Variants in WDR59 observed in about 807,000 individuals in gnomAD.
WDR59 encodes the protein GATOR2 complex protein WDR59.
A neutral mutation model predicts 131.2 loss-of-function variants in WDR59; 100 were observed. The observed-to-expected ratio is 0.76, with a 90% CI of 0.65 to 0.90. The LOEUF (loss-of-function observed/expected upper bound fraction) is 0.90, where lower values mean the gene tolerates loss of function less well. Among genes scored for constraint, WDR59 ranks in the 40% least tolerant of loss-of-function variants. The pLI, the probability that WDR59 is intolerant of heterozygous loss-of-function variation, is 0.00. For missense variants in WDR59, 1,203 were observed against 1,262.2 expected (o/e 0.95, Z 0.71); for synonymous variants, 601 against 466.2 (o/e 1.29, Z -3.72).
Position 74,909,486 on chromosome 16 carries a change from A to T in WDR59, c.1642+15T>A, listed in dbSNP as rs767902290. 3 of 1,533,858 alleles carry T rather than the reference A, an allele frequency of 2.0e-6. No homozygotes were observed. In the South Asian group the frequency reaches 3.8e-5, roughly 19 times the overall value. ...CCCTCTCGAAATCTAGAATCAAAGA[A>T]CCAAAGAGACCCACCTGCTCCGCAG... is the stretch of plus-strand genomic sequence containing the variant. On this transcript the variant is annotated intron_variant, in intron 16 of 25. Coordinates refer to ENST00000262144, the MANE Select transcript of WDR59 (RefSeq NM_030581.4).
chr16:74,945,455 C>G (rs549807409), intron 6 of WDR59, among the ~76,000 whole-genome samples: 1 of 151,262 alleles, frequency 6.6e-6, no homozygotes, highest in Non-Finnish European at 1.5e-5. Flanking sequence ...CCAGCCTGGG[C>G]AACAGAGCGA....
In WDR59 at chr16:74,908,890, T is replaced by C. The variant is rs1338605529; in HGVS notation, c.1712+18A>G. On this transcript the variant is annotated intron_variant, in intron 17 of 25. Coordinates refer to ENST00000262144, the MANE Select transcript of WDR59 (RefSeq NM_030581.4). ...GGCCCCGGGAACGTAGAGCGGCTTC[T>C]GCATCTCCCTGACTCACCTCGGAGT... is the stretch of plus-strand genomic sequence containing the variant. 1 of 1,612,712 alleles carries C rather than the reference T, an allele frequency of 6.2e-7. No individual in the cohort carries two copies. The highest frequency in any genetic ancestry group is 1.7e-5 in the Admixed American group (1 of 59,972).
Position 74,872,070 on chromosome 16 carries a change from T to G in WDR59, c.*2139A>C, listed in dbSNP as rs1417104150. 1.3e-5 allele frequency: 2 copies of G among 152,292 alleles called. No individual in the cohort carries two copies. The highest frequency in any genetic ancestry group is 4.8e-5 in the African/African-American group (2 of 41,480). The allele number at this position is 152,292 out of a possible 1,614,324, so 9.4% of individuals were successfully genotyped here. On this transcript the variant is annotated 3_prime_UTR_variant, in exon 26 of 26. Transcript: ENST00000262144. ...TACGCTATGATCCGGTATACACCTG[T>G]GCACACATGTGCTGCACACACGTAA... is the stretch of plus-strand genomic sequence containing the variant.
chr16:74,891,304 C>T (rs995423352), intron 20 of WDR59, among the ~76,000 whole-genome samples: 1 of 152,014 alleles, frequency 6.6e-6, no homozygotes, highest in African/African-American at 2.4e-5. Flanking sequence ...TACTGAGAAA[C>T]AGGTCGAGAA....
chr16:74,903,334 T>A (rs9929936), intron 18 of WDR59, among the ~76,000 whole-genome samples: 52,733 of 151,742 alleles, frequency 0.35, 10,521 homozygotes, highest in African/African-American at 0.56. Context: ...CTCTGCCAAC[T>A]TTCTCTACAT....
chr16:74,895,266 AT>A (rs763004824), intron 18 of WDR59, among the ~76,000 whole-genome samples: 2 of 150,818 alleles, frequency 1.3e-5, no homozygotes, highest in Non-Finnish European at 3.0e-5. Flanking sequence ...TGATCTTTTT[AT>A]TTTTTTTTCT....
chr16:74,980,379 CAG>C (rs2034353768), intron 1 of WDR59, among the ~76,000 whole-genome samples: 1 of 130,546 alleles, frequency 7.7e-6, no homozygotes, highest in African/African-American at 2.9e-5. Context: ...TTTTTTGAGA[CAG>C]AGTTTCGCTC....
chr16:74,885,262 G>A lies in WDR59; in HGVS notation c.2689+391C>T, dbSNP rs140403154. On this transcript the variant is annotated intron_variant, in intron 25 of 25. Transcript: ENST00000262144. Reference sequence around the variant, plus strand: ...GAGGTCAGGAGTTCGAGACCAGCCTGGCCAACGTGGTAAAACCCCATCTAC... The same window carrying A: ...GAGGTCAGGAGTTCGAGACCAGCCTAGCCAACGTGGTAAAACCCCATCTAC... Among the ~76,000 whole-genome samples, 108 of 152,076 alleles carry A rather than the reference G, an allele frequency of 7.1e-4. 1 individual carries two copies. The highest frequency in any genetic ancestry group is 2.5e-3 in the African/African-American group (103 of 41,494).
intron 25 of WDR59, 141 bp from the exon 26 acceptor site, chr16:74,874,585 GTTTTTT>G: frequency 1.4e-6 from 1 of 705,768 alleles, no homozygotes. Context: ...TTCATTTTCT[GTTTTTT>G]TTATTTTTAT....
rs145360783 is a variant in WDR59, at chr16:74,889,798, C to T, written c.2100G>A (p.Thr700=). The change falls in exon 21 of 26, where the codon ACG becomes ACA. Residue 700 remains threonine, a synonymous_variant. Coordinates refer to ENST00000262144, the MANE Select transcript of WDR59 (RefSeq NM_030581.4). ...KDLVQVWSLA[T]VATDLCLGPK... is the part of the protein sequence containing the mutation. ...GACCAAGGCAAAGATCTGTAGCTAC[C>T]GTAGCCAGCGACCAAACCTGGACAG... 1.6e-4 allele frequency: 252 copies of T among 1,613,976 alleles called. 1 individual carries two copies. The highest frequency in any genetic ancestry group is 2.0e-4 in the South Asian group (18 of 91,056).
At chr16:74,926,118 G>A (rs1194807962) in intron 8 of WDR59, among the ~76,000 whole-genome samples, 2 of 144,166 alleles carry the variant, frequency 1.4e-5, no homozygotes, top group Admixed American at 1.4e-4. Context: ...GGAGAACAAT[G>A]GTGTGATCTC....
At chr16:74,929,830 A>G (rs878967565) in intron 8 of WDR59, among the ~76,000 whole-genome samples, 1 of 152,220 alleles carries the variant, frequency 6.6e-6, no homozygotes, top group East Asian at 1.9e-4. Flanking sequence ...CATATACACA[A>G]TGGAGTACTA....
chr16:74,932,681 GTTT>G, intron 8 of WDR59, among the ~76,000 whole-genome samples: 1 of 151,922 alleles, frequency 6.6e-6, no homozygotes, highest in South Asian at 2.1e-4. Flanking sequence ...TAGAGATGGG[GTTT>G]CACTATGTTG....
intron 8 of WDR59, among the ~76,000 whole-genome samples, chr16:74,932,304 C>A (rs2031461150): frequency 6.6e-6 from 1 of 151,650 alleles, no homozygotes; most frequent in African/African-American, 2.4e-5. Flanking sequence ...TGTCCAGGCT[C>A]ATTTCAAACT....
At chr16:74,957,623 T>A (rs1445092491) in intron 2 of WDR59, among the ~76,000 whole-genome samples, 1 of 152,118 alleles carries the variant, frequency 6.6e-6, no homozygotes, top group South Asian at 2.1e-4. Context: ...ATGTTTAAGG[T>A]TCCAATCAAC....
chr16:74,909,628 C>T lies in WDR59; in HGVS notation c.1515G>A (p.Pro505=), dbSNP rs564734002. ...GAGTGACAGAGTTGGGGAGTGCAAA[C>T]GGGTTGCTGGAAGCGCTGTCTTCCT... The part of the protein sequence containing the change: ...VNQEDSASSN[P]FALPNSVTPP... Residue 505 remains proline, a synonymous_variant, in exon 16 of 26, where the codon CCG becomes CCA. Coordinates refer to ENST00000262144, the MANE Select transcript of WDR59 (RefSeq NM_030581.4). 20 of 1,587,046 alleles carry T rather than the reference C, an allele frequency of 1.3e-5. No homozygotes were observed. The East Asian group carries it at 1.8e-4, about 14-fold the overall frequency.
At chr16:74,917,637 C>A (rs374113044) in intron 11 of WDR59, among the ~76,000 whole-genome samples, 1 of 151,722 alleles carries the variant, frequency 6.6e-6, no homozygotes, top group African/African-American at 2.4e-5. Flanking sequence ...GGTGAAACCC[C>A]GTCTCTACTA....
At chr16:74,924,064 T>C in intron 8 of WDR59, 61 bp from the exon 9 acceptor site, 1 of 1,523,196 alleles carries the variant, frequency 6.6e-7, no homozygotes, top group Non-Finnish European at 9.0e-7. Flanking sequence ...TCTACTGAAA[T>C]AAGCACAGCC....
In WDR59 at chr16:74,904,668, T is replaced by C. The variant is rs902860211; in HGVS notation, c.1713-568A>G. Among the ~76,000 whole-genome samples, 11 of 152,294 alleles carry C rather than the reference T, an allele frequency of 7.2e-5. 1 individual carries two copies. In the East Asian group the frequency reaches 1.5e-3, roughly 21 times the overall value. ...AGGCTTTTTAGTAGGAACTAATAAGTTGATTTTATAATTTTATTGAAAGAC... is the reference window on the plus strand; with the variant it reads ...AGGCTTTTTAGTAGGAACTAATAAGCTGATTTTATAATTTTATTGAAAGAC... On this transcript the variant is annotated intron_variant, in intron 17 of 25. Coordinates refer to ENST00000262144, the MANE Select transcript of WDR59 (RefSeq NM_030581.4).
Sources: gnomAD v4.1 joint callset for allele counts (sites outside exome capture counted in the v4.1 genomes callset) on GRCh38, gnomAD v4.1.1 for gene constraint, MANE v1.5 for transcripts, NCBI Gene and HGNC (gene_info 2026-07-23, HGNC 2026-07-21) for gene names.